The following MAML2 variants were observed in gnomAD, a reference collection of about 807,000 sequenced individuals.
MAML2 encodes the protein mastermind-like protein 2.
Under a neutral mutation model 96.1 loss-of-function variants are expected in MAML2, and 22 were observed. The observed-to-expected ratio is 0.23, with a 90% confidence interval of 0.16 to 0.33. The LOEUF (loss-of-function observed/expected upper bound fraction) is 0.33. Among genes scored for constraint, MAML2 ranks in the 10% least tolerant of loss-of-function variants. The pLI, the probability that MAML2 is intolerant of heterozygous loss-of-function variation, is 1.00. For missense variants in MAML2, 1,367 were observed against 1,392.4 expected (o/e 0.98, Z 0.29); for synonymous variants, 561 against 521.3 (o/e 1.08, Z -1.04).
intron 2 of MAML2, among the ~76,000 whole-genome samples, chr11:96,083,403 C>G (rs148831679): frequency 6.5e-4 from 99 of 152,242 alleles, no homozygotes; most frequent in African/African-American, 2.2e-3. Context: ...TATGATTTCC[C>G]CAGCATATAG....
chr11:95,985,691 C>T, intron 3 of MAML2, 49 bp from the exon 4 acceptor site: 1 of 1,256,596 alleles, frequency 8.0e-7, no homozygotes, highest in East Asian at 2.4e-5. Flanking sequence ...TCCCTTTTCA[C>T]TTGTGAAAAT....
At chr11:96,089,377 A>T (rs1346572051) in intron 2 of MAML2, among the ~76,000 whole-genome samples, 6 of 152,204 alleles carry the variant, frequency 3.9e-5, no homozygotes, top group Non-Finnish European at 8.8e-5. Context: ...AACTGCCTTC[A>T]GAGAAAGCTC....
chr11:96,099,509 C>A (rs1485740549), intron 1 of MAML2, among the ~76,000 whole-genome samples: 3 of 152,150 alleles, frequency 2.0e-5, no homozygotes, highest in Non-Finnish European at 4.4e-5. Context: ...GTTTGCCCAA[C>A]CAGATTTTAA....
chr11:96,034,308 C>A (rs1037924524), intron 2 of MAML2, among the ~76,000 whole-genome samples: 9 of 152,022 alleles, frequency 5.9e-5, no homozygotes, highest in Non-Finnish European at 1.2e-4. Context: ...GACTAACAAC[C>A]AATCCAGGAA....
At chr11:96,279,968 T>C (rs1205532496) in intron 1 of MAML2, among the ~76,000 whole-genome samples, 1 of 152,238 alleles carries the variant, frequency 6.6e-6, no homozygotes, top group Non-Finnish European at 1.5e-5. Context: ...ATCAAAAAAA[T>C]ATTTTATTCC....
chr11:96,158,231 T>C (rs1861043756), intron 1 of MAML2, among the ~76,000 whole-genome samples: 1 of 152,206 alleles, frequency 6.6e-6, no homozygotes, highest in Non-Finnish European at 1.5e-5. Context: ...TATTTACAGA[T>C]GAAAGAGTCC....
intron 1 of MAML2, among the ~76,000 whole-genome samples, chr11:96,245,458 C>T (rs1321366096): frequency 6.6e-6 from 1 of 152,076 alleles, no homozygotes. Flanking sequence ...CTATAGGCCT[C>T]AAATTGAAAT....
intron 1 of MAML2, among the ~76,000 whole-genome samples, chr11:96,145,501 AAG>A (rs1860801494): frequency 1.3e-5 from 2 of 152,226 alleles, no homozygotes; most frequent in South Asian, 4.1e-4. Context: ...GGAAAAGATG[AAG>A]AGCACATGAT....
chr11:96,110,648 A>G (rs1293349602), intron 1 of MAML2, among the ~76,000 whole-genome samples: 3 of 152,080 alleles, frequency 2.0e-5, no homozygotes, highest in Non-Finnish European at 2.9e-5. Flanking sequence ...GCATTCAGGT[A>G]TTCTTTTGGT....
intron 1 of MAML2, among the ~76,000 whole-genome samples, chr11:96,157,844 C>A (rs1861036906): frequency 6.6e-6 from 1 of 152,264 alleles, no homozygotes. Flanking sequence ...GTTTATATTG[C>A]CTTTGTGGGT....
chr11:96,317,381 TGA>T (rs1226632277), intron 1 of MAML2, among the ~76,000 whole-genome samples: 3 of 152,140 alleles, frequency 2.0e-5, no homozygotes, highest in Non-Finnish European at 4.4e-5. Flanking sequence ...TTCCAAGACT[TGA>T]GAGTTTCCTA....
chr11:96,092,464 C>A lies in MAML2; in HGVS notation c.1567G>T (p.Gly523Cys). 6.2e-7 allele frequency: 1 copy of A among 1,611,986 alleles called. No individual in the cohort carries two copies. The highest frequency in any genetic ancestry group is 8.5e-7 in the Non-Finnish European group (1 of 1,178,822). ...TGCATGAGGACATCTAGGTGCCCACCCTGGGCTGAGGGGCCGGCCTTGTAC... is the reference window on the plus strand; with the variant it reads ...TGCATGAGGACATCTAGGTGCCCACACTGGGCTGAGGGGCCGGCCTTGTAC... ...YMYKAGPSAQ[G>C]GHLDVLMQQK... The change falls in exon 2 of 5, where the codon GGT becomes TGT. Residue 523 changes from glycine to cysteine, a missense_variant. Coordinates refer to ENST00000524717, the MANE Select transcript of MAML2 (RefSeq NM_032427.4). This position sits in a 1 kb window ranked among gnomAD's most constrained non-coding sequence, Gnocchi z 4.1.
intron 2 of MAML2, among the ~76,000 whole-genome samples, chr11:96,011,506 G>C (rs1475906987): frequency 6.6e-6 from 1 of 152,138 alleles, no homozygotes; most frequent in Non-Finnish European, 1.5e-5. Flanking sequence ...TTATAAGTGA[G>C]AGCTAAACAT....
At chr11:96,246,387 T>C (rs1240611699) in intron 1 of MAML2, among the ~76,000 whole-genome samples, 2 of 152,084 alleles carry the variant, frequency 1.3e-5, no homozygotes, top group African/African-American at 4.8e-5. Context: ...AGGGATTTCA[T>C]GTTCGGGGAC....
chr11:96,137,631 T>C (rs1860655933), intron 1 of MAML2, among the ~76,000 whole-genome samples: 1 of 152,230 alleles, frequency 6.6e-6, no homozygotes, highest in South Asian at 2.1e-4. Flanking sequence ...ACAAACTCAT[T>C]GACCATTCAG....
At chr11:96,331,711 A>T (rs1863856591) in intron 1 of MAML2, among the ~76,000 whole-genome samples, 1 of 150,686 alleles carries the variant, frequency 6.6e-6, no homozygotes, top group African/African-American at 2.4e-5. Flanking sequence ...TCAGCTACTT[A>T]GGAGGCTGAG....
intron 1 of MAML2, among the ~76,000 whole-genome samples, chr11:96,185,258 A>G (rs1304008445): frequency 6.6e-6 from 1 of 151,702 alleles, no homozygotes; most frequent in African/African-American, 2.4e-5. Context: ...AAATAACAGG[A>G]CTTTGGTGGA....
intron 2 of MAML2, among the ~76,000 whole-genome samples, chr11:96,080,659 A>G (rs570369683): frequency 6.6e-6 from 1 of 152,364 alleles, no homozygotes; most frequent in African/African-American, 2.4e-5. Flanking sequence ...TTTCTCATGC[A>G]GTTGGCATGG....
At chr11:96,229,565 G>A (rs1862261414) in intron 1 of MAML2, among the ~76,000 whole-genome samples, 1 of 148,014 alleles carries the variant, frequency 6.8e-6, no homozygotes, top group African/African-American at 2.5e-5. Flanking sequence ...AAGCATCCTA[G>A]ATACAGAAAT....
Sources: gnomAD v4.1 joint callset for allele counts (sites outside exome capture counted in the v4.1 genomes callset) on GRCh38, gnomAD v4.1.1 for gene constraint, Gnocchi (gnomAD v3.1) non-coding constraint, MANE v1.5 for transcripts, NCBI Gene and HGNC (gene_info 2026-07-23, HGNC 2026-07-21) for gene names.